MCF2: variants seen among roughly 807,000 people sequenced by gnomAD.
The protein encoded by MCF2 is proto-oncogene DBL.
A neutral mutation model predicts 82.5 loss-of-function variants in MCF2; 44 were observed. The ratio of observed to expected loss-of-function variants is 0.53; its 90% CI spans 0.42 to 0.69. The LOEUF (loss-of-function observed/expected upper bound fraction) is 0.69. MCF2 is among the 30% of genes least tolerant of loss of function. MCF2 has a pLI of 0.00. For synonymous variants in MCF2, 217 were observed against 224.9 expected (o/e 0.96, Z 0.32); for missense variants, 623 against 663.1 (o/e 0.94, Z 0.66).
chrX:139,626,672 T>C (rs974235619), exon 5 of MCF2: 2 of 1,208,071 alleles, frequency 1.7e-6, no homozygotes, highest in Non-Finnish European at 2.2e-6. Flanking sequence ...CATTCTAGTC[T>C]TGAACTGACA....
intron 1 of MCF2, among the ~76,000 whole-genome samples, chrX:139,676,279 C>T (rs773357508): frequency 5.4e-5 from 6 of 111,983 alleles, no homozygotes; most frequent in East Asian, 2.8e-4. Context: ...TTGTGCTTCC[C>T]GGGTGAGGTG....
At chrX:139,655,179 A>T (rs1291511573) in intron 1 of MCF2, among the ~76,000 whole-genome samples, 2 of 112,150 alleles carry the variant, frequency 1.8e-5, no homozygotes, top group African/African-American at 6.5e-5. Flanking sequence ...TATCTGAAGC[A>T]TGCCCTGGAA....
chrX:139,693,605 C>T (rs944703534), intron 1 of MCF2, among the ~76,000 whole-genome samples: 4 of 111,181 alleles, frequency 3.6e-5, no homozygotes, highest in African/African-American at 6.6e-5. Context: ...AATGTGTAAG[C>T]TATTTGAATG....
upstream of MCF2, among the ~76,000 whole-genome samples, chrX:139,644,350 G>T (rs777036125): frequency 3.6e-5 from 4 of 111,950 alleles, no homozygotes; most frequent in Non-Finnish European, 7.5e-5. Flanking sequence ...CAATTATAGT[G>T]ATACCTACTT....
At chrX:139,655,392 G>A (rs949555378) in intron 1 of MCF2, among the ~76,000 whole-genome samples, 2 of 111,633 alleles carry the variant, frequency 1.8e-5, no homozygotes, top group Non-Finnish European at 3.8e-5. Flanking sequence ...TATTGTAAAT[G>A]TGATCAGATT....
intron 1 of MCF2, among the ~76,000 whole-genome samples, chrX:139,677,516 G>A (rs868049010): frequency 1.8e-5 from 2 of 111,713 alleles, no homozygotes; most frequent in East Asian, 2.8e-4. Context: ...CAGACCATAC[G>A]AATACGCCAC....
chrX:139,596,682 T>C, exon 19 of MCF2: 1 of 1,209,840 alleles, frequency 8.3e-7, no homozygotes, highest in Non-Finnish European at 1.1e-6. Flanking sequence ...TCTAGCCAAA[T>C]CCTTCATTTT....
intron 14 of MCF2, 26 bp downstream of exon 18, chrX:139,604,843 A>G: frequency 9.2e-7 from 1 of 1,083,011 alleles, no homozygotes; most frequent in South Asian, 2.0e-5. Flanking sequence ...TATAAAAAAT[A>G]AATATTCAAT....
At chrX:139,666,677 G>A (rs1934529776) in intron 1 of MCF2, among the ~76,000 whole-genome samples, 1 of 111,355 alleles carries the variant, frequency 9.0e-6, no homozygotes, top group Non-Finnish European at 1.9e-5. Flanking sequence ...AGAATATAAT[G>A]TGCCCTTAAG....
intron 1 of MCF2, among the ~76,000 whole-genome samples, chrX:139,673,211 T>G (rs1221953268): frequency 8.9e-6 from 1 of 111,883 alleles, no homozygotes. Context: ...TCTCTTTTCT[T>G]CTTTATTAGT....
chrX:139,622,540 C>T (rs1686384210), intron 6 of MCF2, among the ~76,000 whole-genome samples: 1 of 111,636 alleles, frequency 9.0e-6, no homozygotes. Flanking sequence ...CCATGGAATA[C>T]TATGCAGCCA....
At chrX:139,620,535 G>C (rs1354092297) in intron 6 of MCF2, among the ~76,000 whole-genome samples, 1 of 111,370 alleles carries the variant, frequency 9.0e-6, no homozygotes, top group Non-Finnish European at 1.9e-5. Flanking sequence ...CAAAATCAAT[G>C]TACAAAAATC....
chrX:139,705,258 G>A (rs1935569313), intron 1 of MCF2, among the ~76,000 whole-genome samples: 5 of 112,076 alleles, frequency 4.5e-5, no homozygotes, highest in Admixed American at 3.8e-4. Context: ...GTTGCAGTGA[G>A]CTGAGATCAC....
At chrX:139,597,553 T>A (rs1051619) in exon 18 of MCF2, 539,235 of 1,171,637 alleles carry the variant, frequency 0.46, 93,852 homozygotes, top group Non-Finnish European at 0.52. Flanking sequence ...ACAGAGCAGA[T>A]CCTTCACAGT....
chrX:139,583,244 G>A (rs888310926), intron 24 of MCF2, among the ~76,000 whole-genome samples: 1 of 111,858 alleles, frequency 8.9e-6, no homozygotes, highest in East Asian at 2.8e-4. Context: ...TCTTCTCACT[G>A]ATTTTTATTT....
At chrX:139,604,750 G>A in exon 15 of MCF2, 1 of 1,189,475 alleles carries the variant, frequency 8.4e-7, no homozygotes, top group Non-Finnish European at 1.1e-6. Context: ...TCAAGAAAAT[G>A]CTGTGAAAAT....
At chrX:139,600,506 T>C (rs1909137656) in intron 16 of MCF2, among the ~76,000 whole-genome samples, 1 of 110,900 alleles carries the variant, frequency 9.0e-6, no homozygotes, top group South Asian at 3.8e-4. Context: ...AGTACCATAT[T>C]GAAAAATATT....
At chrX:139,648,153 C>G (rs1305265246) in intron 2 of MCF2, among the ~76,000 whole-genome samples, 1 of 111,572 alleles carries the variant, frequency 9.0e-6, no homozygotes, top group Non-Finnish European at 1.9e-5. Flanking sequence ...CAGAGGATCA[C>G]TTGAGGTCAG....
At chrX:139,673,551 T>A (rs1934771405) in intron 1 of MCF2, among the ~76,000 whole-genome samples, 1 of 112,115 alleles carries the variant, frequency 8.9e-6, no homozygotes, top group African/African-American at 3.2e-5. Context: ...ACATCTTTAT[T>A]TCTGCCTTCA....
Sources: gnomAD v4.1 joint callset for allele counts (sites outside exome capture counted in the v4.1 genomes callset) on GRCh38, gnomAD v4.1.1 for gene constraint, MANE v1.5 for transcripts, NCBI Gene and HGNC (gene_info 2026-07-23, HGNC 2026-07-21) for gene names.